The following RPS6KC1 variants were observed in gnomAD, a reference collection of about 807,000 sequenced individuals.
The protein encoded by RPS6KC1 is ribosomal protein S6 kinase C1.
Under a neutral mutation model 103.8 loss-of-function variants are expected in RPS6KC1, and 54 were observed. That is an observed-to-expected ratio of 0.52 (90% CI 0.42 to 0.65). The LOEUF (loss-of-function observed/expected upper bound fraction) is 0.65. Among genes scored for constraint, RPS6KC1 ranks in the 30% least tolerant of loss-of-function variants. The pLI is 0.00. For missense variants in RPS6KC1, 1,151 were observed against 1,253.8 expected, an observed-to-expected ratio of 0.92 and a Z score of 1.24; for synonymous variants, 439 against 438.7, an observed-to-expected ratio of 1.00 and a Z score of -0.01.
chr1:213,327,335 A>G, the RPS6KC1 span, among the ~76,000 whole-genome samples: 3 of 150,468 alleles, frequency 2.0e-5, no homozygotes, highest in East Asian at 5.9e-4. Context: ...AAAAAAAAGC[A>G]CAATATTATC....
intron 7 of RPS6KC1, among the ~76,000 whole-genome samples, chr1:213,172,465 G>A (rs1274935203): frequency 6.6e-6 from 1 of 152,126 alleles, no homozygotes; most frequent in African/African-American, 2.4e-5. Flanking sequence ...AAAAAAATTA[G>A]CCAGGTGTGG....
At chr1:213,054,032 C>G (rs146339351) in intron 1 of RPS6KC1, among the ~76,000 whole-genome samples, 1 of 152,046 alleles carries the variant, frequency 6.6e-6, no homozygotes, top group Non-Finnish European at 1.5e-5. Context: ...GACGAGGTTT[C>G]GCCTTGTTGT....
the RPS6KC1 span, among the ~76,000 whole-genome samples, chr1:213,318,782 G>T: frequency 2.6e-4 from 39 of 152,224 alleles, no homozygotes; most frequent in African/African-American, 8.7e-4. Flanking sequence ...GGAAAGACCT[G>T]CCCCCATGAT....
intron 6 of RPS6KC1, among the ~76,000 whole-genome samples, chr1:213,164,985 T>G (rs1361165213): frequency 6.6e-6 from 1 of 152,206 alleles, no homozygotes; most frequent in Non-Finnish European, 1.5e-5. Context: ...TCAAGCAGGT[T>G]AGAGTTAATT....
At chr1:213,537,174 G>A in the RPS6KC1 span, among the ~76,000 whole-genome samples, 17 of 152,216 alleles carry the variant, frequency 1.1e-4, no homozygotes, top group East Asian at 2.9e-3. Flanking sequence ...CTGTAAGGCC[G>A]TGCTCCTTGC....
At chr1:213,730,544 T>A in the RPS6KC1 span, among the ~76,000 whole-genome samples, 2 of 152,240 alleles carry the variant, frequency 1.3e-5, no homozygotes, top group Non-Finnish European at 2.9e-5. Context: ...TTTCGTCACA[T>A]GATTATTGGC....
the RPS6KC1 span, among the ~76,000 whole-genome samples, chr1:213,607,884 C>A: frequency 6.6e-6 from 1 of 152,096 alleles, no homozygotes; most frequent in African/African-American, 2.4e-5. Flanking sequence ...CCTGACTTTT[C>A]TTCTAGTTTT....
chr1:213,483,487 G>T, the RPS6KC1 span, among the ~76,000 whole-genome samples: 1 of 152,204 alleles, frequency 6.6e-6, no homozygotes, highest in South Asian at 2.1e-4. Flanking sequence ...GCAAGCCATT[G>T]TGTGTACAAA....
the RPS6KC1 span, among the ~76,000 whole-genome samples, chr1:213,686,544 T>A: frequency 2.6e-5 from 4 of 152,194 alleles, no homozygotes; most frequent in Non-Finnish European, 2.9e-5. Context: ...CCTTATTTTT[T>A]AAAAATGCTA....
At chr1:213,678,924 A>G in the RPS6KC1 span, among the ~76,000 whole-genome samples, 20 of 152,172 alleles carry the variant, frequency 1.3e-4, no homozygotes, top group Non-Finnish European at 2.4e-4. Context: ...GGTGGCTCTA[A>G]TGTGGGTAAA....
chr1:213,667,114 A>T, the RPS6KC1 span, among the ~76,000 whole-genome samples: 18 of 152,234 alleles, frequency 1.2e-4, no homozygotes, highest in Non-Finnish European at 2.5e-4. Flanking sequence ...AGAAGCAACA[A>T]GTGACAGAAC....
At chr1:213,820,969 C>T in the RPS6KC1 span, 2 of 152,064 alleles carry the variant, frequency 1.3e-5, no homozygotes, top group Non-Finnish European at 2.9e-5. Flanking sequence ...CATGTTTGTC[C>T]CCTCCTACTA....
the RPS6KC1 span, among the ~76,000 whole-genome samples, chr1:213,602,092 CTTTCTTTCTT>C: frequency 9.6e-4 from 35 of 36,432 alleles, 2 homozygotes; most frequent in Non-Finnish European, 1.2e-3. Context: ...TTCTTTCTTT[CTTTCTTTCTT>C]TCTTTCTTTC....
At chr1:213,849,121 T>C in the RPS6KC1 span, among the ~76,000 whole-genome samples, 1 of 152,152 alleles carries the variant, frequency 6.6e-6, no homozygotes, top group Non-Finnish European at 1.5e-5. Flanking sequence ...CTTGCAATGG[T>C]TAAAGTTTGC....
At chr1:213,381,758 C>T in the RPS6KC1 span, among the ~76,000 whole-genome samples, 6 of 152,110 alleles carry the variant, frequency 3.9e-5, no homozygotes, top group Non-Finnish European at 1.5e-5. Flanking sequence ...TGCTGCTGGC[C>T]GCCTTTATAG....
intron 12 of RPS6KC1, among the ~76,000 whole-genome samples, chr1:213,248,928 T>C (rs1332886209): frequency 6.6e-6 from 1 of 152,200 alleles, no homozygotes; most frequent in Non-Finnish European, 1.5e-5. Flanking sequence ...TGAAAAACAA[T>C]GTCTCTGTAC....
At chr1:213,428,892 A>G in the RPS6KC1 span, 68 of 157,448 alleles carry the variant, frequency 4.3e-4, no homozygotes, top group Non-Finnish European at 7.5e-4. Flanking sequence ...GTCAATGTGC[A>G]CATCTGGAAT....
chr1:213,506,415 C>T, the RPS6KC1 span, among the ~76,000 whole-genome samples: 4 of 152,164 alleles, frequency 2.6e-5, no homozygotes, highest in Non-Finnish European at 1.5e-5. Flanking sequence ...CATGATTGTC[C>T]AAACTCTCTC....
chr1:213,347,898 C>A, the RPS6KC1 span, among the ~76,000 whole-genome samples: 17 of 152,184 alleles, frequency 1.1e-4, no homozygotes, highest in East Asian at 3.3e-3. Flanking sequence ...ACCAGTATGG[C>A]AATAGGACAT....
Sources: gnomAD v4.1 joint callset for allele counts (sites outside exome capture counted in the v4.1 genomes callset) on GRCh38, gnomAD v4.1.1 for gene constraint, MANE v1.5 for transcripts, NCBI Gene and HGNC (gene_info 2026-07-23, HGNC 2026-07-21) for gene names.